Variants in AP3B1 observed in about 807,000 individuals in gnomAD.
The protein encoded by AP3B1 is AP-3 complex subunit beta-1.
A neutral mutation model predicts 132.5 loss-of-function variants in AP3B1; 61 were observed. The ratio of observed to expected loss-of-function variants is 0.46; its 90% CI spans 0.37 to 0.57. The LOEUF (loss-of-function observed/expected upper bound fraction) is 0.57, where lower values mean the gene tolerates loss of function less well. Among genes scored for constraint, AP3B1 ranks in the 20% least tolerant of loss-of-function variants. AP3B1 has a pLI of 0.00. For missense variants in AP3B1, 1,120 were observed against 1,289.4 expected (o/e 0.87, Z 2.01); for synonymous variants, 388 against 438.3 (o/e 0.89, Z 1.43).
intron 1 of AP3B1, among the ~76,000 whole-genome samples, chr5:78,294,159 C>A (rs1749650470): frequency 6.6e-6 from 1 of 152,058 alleles, no homozygotes; most frequent in Non-Finnish European, 1.5e-5. Context: ...GAGCCCAGCC[C>A]AAGTCCAATT....
intron 22 of AP3B1, among the ~76,000 whole-genome samples, chr5:78,051,198 AT>A (rs775728822): frequency 6.6e-6 from 1 of 152,186 alleles, no homozygotes; most frequent in African/African-American, 2.4e-5. Context: ...TTACTGAAAC[AT>A]TTATAAGAGC....
At chr5:78,259,091 CA>C (rs1208549660) in intron 2 of AP3B1, among the ~76,000 whole-genome samples, 1 of 151,584 alleles carries the variant, frequency 6.6e-6, no homozygotes, top group Non-Finnish European at 1.5e-5. Flanking sequence ...CAAAAAAATA[CA>C]AAAAAATTAG....
chr5:78,140,098 C>A (rs1753081697), intron 15 of AP3B1, among the ~76,000 whole-genome samples: 1 of 152,172 alleles, frequency 6.6e-6, no homozygotes, highest in African/African-American at 2.4e-5. Flanking sequence ...GGTAAGTCCA[C>A]TCACAGAGAA....
intron 2 of AP3B1, among the ~76,000 whole-genome samples, chr5:78,252,363 A>G (rs1747674778): frequency 6.6e-6 from 1 of 152,156 alleles, no homozygotes; most frequent in African/African-American, 2.4e-5. Context: ...ACAGCAGGGT[A>G]GAGCACCAAG....
At chr5:78,132,711 T>G (rs556484336) in intron 15 of AP3B1, among the ~76,000 whole-genome samples, 11 of 152,220 alleles carry the variant, frequency 7.2e-5, no homozygotes, top group Non-Finnish European at 1.2e-4. Flanking sequence ...TGGATGTTGA[T>G]CTTTTTGTAG....
In AP3B1 at chr5:78,225,588, T is replaced by A; in HGVS notation, c.557A>T (p.Glu186Val). Residue 186 changes from glutamate (E) to valine (V), a missense_variant, in exon 6 of 27, where the codon GAA (glutamate) becomes GTA (valine). By Grantham distance (121) the Glu-to-Val change is moderately radical. This residue lies in a region of AP3B1 where 129 missense variants were observed against 212.4 expected (regional missense o/e 0.61). Transcript: ENST00000255194. ...KLYSLDPEQK[E>V]MLIEVIEKLL... Reference sequence around the variant, plus strand: ...TTTTTCAATTACTTCAATTAACATTTCCTTCTGCTCTGGATCAAGGCTAAA... The same window carrying A: ...TTTTTCAATTACTTCAATTAACATTACCTTCTGCTCTGGATCAAGGCTAAA... 1 of 1,582,800 alleles carries A rather than the reference T, an allele frequency of 6.3e-7. No homozygotes were observed. The highest frequency in any genetic ancestry group is 8.7e-7 in the Non-Finnish European group (1 of 1,153,922).
chr5:78,228,076 C>CT, intron 4 of AP3B1, 68 bp downstream of exon 4: 1 of 1,122,970 alleles, frequency 8.9e-7, no homozygotes, highest in East Asian at 2.4e-5. Flanking sequence ...CGCTCCACTT[C>CT]TTTAACTGAC....
At position 78,216,888 on chromosome 5, in the gene AP3B1, G is replaced by C. The variant is rs559811888; in HGVS notation, c.604-651C>G. Among the ~76,000 whole-genome samples the C allele has an allele frequency of 3.3e-5, 5 of 152,124 alleles. No homozygotes were observed. In the South Asian group the frequency reaches 8.3e-4, roughly 25 times the overall value. The stretch of plus-strand genomic sequence containing the variant: ...AATAATATATTACTAACAAAAGGGG[G>C]CTCTTCCAACACCAGTTAATGAATC... On this transcript the variant is annotated intron_variant, in intron 6 of 26. Transcript: ENST00000255194.
chr5:78,125,558 G>A (rs975828191), intron 17 of AP3B1, among the ~76,000 whole-genome samples: 3 of 152,062 alleles, frequency 2.0e-5, no homozygotes, highest in African/African-American at 7.2e-5. Context: ...TATTGTAGCT[G>A]CATTTAAAAA....
chr5:78,015,713 T>C (rs941557228), intron 25 of AP3B1, 165 bp from the exon 26 acceptor site: 1 of 667,466 alleles, frequency 1.5e-6, no homozygotes, highest in Non-Finnish European at 2.5e-6. Flanking sequence ...AATGCAATTG[T>C]TTCGAAGTTT....
chr5:78,147,151 TAG>T (rs1753439274), intron 14 of AP3B1, among the ~76,000 whole-genome samples: 1 of 152,150 alleles, frequency 6.6e-6, no homozygotes, highest in African/African-American at 2.4e-5. Context: ...ACATTTTGAA[TAG>T]ATTTTTCCTT....
chr5:78,248,707 T>G (rs1302994728), intron 2 of AP3B1, among the ~76,000 whole-genome samples: 1 of 152,118 alleles, frequency 6.6e-6, no homozygotes, highest in East Asian at 1.9e-4. Context: ...ATCATTTCCC[T>G]TCAGCCTACA....
intron 2 of AP3B1, among the ~76,000 whole-genome samples, chr5:78,262,870 AT>A (rs2112555716): frequency 6.6e-6 from 1 of 150,726 alleles, no homozygotes; most frequent in East Asian, 1.9e-4. Flanking sequence ...AGGTCTTGCC[AT>A]GTAGTCTAGG....
chr5:78,275,974 C>A (rs914113887), intron 1 of AP3B1, among the ~76,000 whole-genome samples: 22 of 152,068 alleles, frequency 1.4e-4, no homozygotes, highest in Middle Eastern at 3.4e-3. Flanking sequence ...AAGGTTTCAA[C>A]AAATTTGAAA....
At chr5:78,029,941 C>T (rs1381012277) in intron 24 of AP3B1, among the ~76,000 whole-genome samples, 1 of 152,062 alleles carries the variant, frequency 6.6e-6, no homozygotes, top group African/African-American at 2.4e-5. Flanking sequence ...GATCAATTCT[C>T]TTCTCAGACA....
chr5:78,202,710 C>T (rs959719300), intron 7 of AP3B1, among the ~76,000 whole-genome samples: 1 of 151,938 alleles, frequency 6.6e-6, no homozygotes, highest in Non-Finnish European at 1.5e-5. Flanking sequence ...GGAAGCACAA[C>T]AGTAATACTT....
At chr5:78,188,424 T>C (rs1287167298) in intron 7 of AP3B1, among the ~76,000 whole-genome samples, 1 of 152,152 alleles carries the variant, frequency 6.6e-6, no homozygotes, top group East Asian at 1.9e-4. Flanking sequence ...GCAAATGGTA[T>C]GAACAGACAC....
At chr5:78,120,500 C>T (rs1281169938) in intron 17 of AP3B1, among the ~76,000 whole-genome samples, 2 of 152,182 alleles carry the variant, frequency 1.3e-5, no homozygotes, top group Non-Finnish European at 2.9e-5. Flanking sequence ...GGAGGAAGAT[C>T]TACCAAGCAA....
intron 9 of AP3B1, among the ~76,000 whole-genome samples, chr5:78,176,609 T>C (rs72776459): frequency 0.18 from 27,950 of 152,114 alleles, 2,837 homozygotes; most frequent in Admixed American, 0.27. Flanking sequence ...GTATGTCAAA[T>C]AGCTGAAATG....
Sources: allele counts gnomAD v4.1 joint callset (sites outside exome capture counted in the v4.1 genomes callset), GRCh38; gene constraint gnomAD v4.1.1; regional missense constraint gnomAD v4.1.1; transcripts MANE v1.5; gene names NCBI Gene and HGNC (gene_info 2026-07-23, HGNC 2026-07-21).